The following AFF1 variants were observed in gnomAD, a reference collection of about 807,000 sequenced individuals.
AFF1 encodes AF4/FMR2 family member 1.
AFF1 carries 48 observed loss-of-function variants against 121.7 expected under a neutral mutation model. The ratio of observed to expected loss-of-function variants is 0.39; its 90% confidence interval spans 0.31 to 0.50. The LOEUF (loss-of-function observed/expected upper bound fraction) is 0.50. Among genes scored for constraint, AFF1 ranks in the 20% least tolerant of loss-of-function variants. The pLI, the probability that AFF1 is intolerant of heterozygous loss-of-function variation, is 0.76. For missense variants in AFF1, 1,523 were observed against 1,511.7 expected, an observed-to-expected ratio of 1.01 and a Z score of -0.12; for synonymous variants, 613 against 563.0, an observed-to-expected ratio of 1.09 and a Z score of -1.26.
chr4:86,970,393 G>C (rs911536033), intron 2 of AFF1, among the ~76,000 whole-genome samples: 3 of 152,094 alleles, frequency 2.0e-5, no homozygotes, highest in Non-Finnish European at 4.4e-5. Flanking sequence ...AAAAATGAAG[G>C]AATGAGTCCC....
At chr4:87,006,744 G>A (rs1041887927) in intron 2 of AFF1, among the ~76,000 whole-genome samples, 2 of 152,220 alleles carry the variant, frequency 1.3e-5, no homozygotes, top group Non-Finnish European at 2.9e-5. Context: ...GTGGGTGTCT[G>A]TACGTAGTTA....
Position 87,138,025 on chromosome 4 carries a change from TG to T in AFF1, c.*2327del. 1 of 206,596 alleles carries T rather than the reference TG, an allele frequency of 4.8e-6. No homozygotes were observed. Among genetic ancestry groups the T allele is most frequent in the East Asian group, 6.2e-5 (1 of 16,046 alleles). 12.8% of individuals were successfully genotyped at this position (206,596 alleles called of 1,614,324 possible). On this transcript the variant is annotated 3_prime_UTR_variant, in exon 21 of 21. Coordinates refer to ENST00000395146, the MANE Select transcript of AFF1 (RefSeq NM_001166693.3). ...GCTTTTTCAGTGGCCTTACTCTTTG[TG>T]GGTTTTTTTTTTTTTCTCTGAACTT...
intron 4 of AFF1, among the ~76,000 whole-genome samples, chr4:87,069,885 T>C (rs80152295): frequency 0.067 from 10,093 of 150,530 alleles, 1,138 homozygotes; most frequent in African/African-American, 0.23. Context: ...GTGTGGGATC[T>C]CAGCTCACTG....
At position 87,140,466 on chromosome 4, in the gene AFF1, AC is replaced by A. The variant is rs1259571312; in HGVS notation, c.*4767del. The A allele has an allele frequency of 7.5e-6, 1 of 133,900 alleles. No individual in the cohort carries two copies. Among genetic ancestry groups the A allele is most frequent in the Non-Finnish European group, 1.5e-5 (1 of 65,008 alleles). 8.3% of individuals were successfully genotyped at this position (133,900 alleles called of 1,614,324 possible). A position where few individuals can be genotyped will look rare whatever the true frequency, so the allele number is the denominator to read the frequency against. ...CAGGGTTGCCTTTTTTTTATTTATT[AC>A]CATTATATATTATATTATATTATAT... On this transcript the variant is annotated 3_prime_UTR_variant, in exon 21 of 21. Coordinates refer to ENST00000395146, the MANE Select transcript of AFF1 (RefSeq NM_001166693.3).
At chr4:87,030,826 T>G (rs978787846) in intron 2 of AFF1, among the ~76,000 whole-genome samples, 1 of 152,186 alleles carries the variant, frequency 6.6e-6, no homozygotes, top group Non-Finnish European at 1.5e-5. Flanking sequence ...GACCCAGTGC[T>G]GAGTGACTCG....
chr4:87,129,132 T>C (rs1728573045), intron 16 of AFF1, among the ~76,000 whole-genome samples: 1 of 152,238 alleles, frequency 6.6e-6, no homozygotes, highest in African/African-American at 2.4e-5. Flanking sequence ...TTATGCCTGT[T>C]TCATCCCAGT....
chr4:87,056,443 C>A (rs1429432605), intron 4 of AFF1, among the ~76,000 whole-genome samples: 1 of 152,016 alleles, frequency 6.6e-6, no homozygotes, highest in East Asian at 1.9e-4. Flanking sequence ...TTTTAAAATA[C>A]CCCGAAGCAA....
At chr4:86,949,791 C>G (rs963186695) in intron 2 of AFF1, 33 of 1,613,662 alleles carry the variant, frequency 2.0e-5, no homozygotes, top group Non-Finnish European at 5.1e-6. Flanking sequence ...GAGAACAGGG[C>G]CACTGGGAGA....
At chr4:87,057,485 A>C (rs1457382287) in intron 4 of AFF1, among the ~76,000 whole-genome samples, 1 of 152,164 alleles carries the variant, frequency 6.6e-6, no homozygotes, top group Admixed American at 6.5e-5. Flanking sequence ...TAATATACTG[A>C]GGTAATCTTT....
intron 13 of AFF1, among the ~76,000 whole-genome samples, 175 bp from the exon 14 acceptor site, chr4:87,125,924 G>A (rs962052290): frequency 6.6e-6 from 1 of 152,256 alleles, no homozygotes; most frequent in Non-Finnish European, 1.5e-5. Flanking sequence ...TCACTAATGG[G>A]TAGGGCTAGA....
chr4:87,052,940 C>T (rs867047106), intron 4 of AFF1, among the ~76,000 whole-genome samples: 10 of 151,774 alleles, frequency 6.6e-5, no homozygotes, highest in South Asian at 4.2e-4. Context: ...TACTAGCTAC[C>T]GAGAGGGAAA....
chr4:87,089,602 G>A (rs986869007), intron 5 of AFF1, among the ~76,000 whole-genome samples: 1 of 152,190 alleles, frequency 6.6e-6, no homozygotes, highest in Non-Finnish European at 1.5e-5. Context: ...AAGAAGCTGA[G>A]GGAGAAAGAA....
intron 2 of AFF1, among the ~76,000 whole-genome samples, chr4:86,986,297 C>A (rs1206191753): frequency 6.6e-6 from 1 of 152,052 alleles, no homozygotes; most frequent in Admixed American, 6.6e-5. Context: ...GTCTTGAACA[C>A]CTGACCTCAG....
At chr4:87,086,722 T>C (rs1723773345) in intron 5 of AFF1, among the ~76,000 whole-genome samples, 1 of 152,196 alleles carries the variant, frequency 6.6e-6, no homozygotes, top group South Asian at 2.1e-4. Flanking sequence ...GCTCTTACTC[T>C]TGACGCTGAC....
chr4:87,055,096 A>C (rs984149856), intron 4 of AFF1, among the ~76,000 whole-genome samples: 3 of 152,160 alleles, frequency 2.0e-5, no homozygotes, highest in Non-Finnish European at 4.4e-5. Context: ...CCACTTTTCC[A>C]TCCTGAGTAG....
intron 2 of AFF1, among the ~76,000 whole-genome samples, chr4:86,995,522 C>G (rs1012240007): frequency 6.4e-4 from 97 of 152,072 alleles, no homozygotes; most frequent in African/African-American, 2.3e-3. Context: ...CTGTGTTGGC[C>G]GGGCTGGTCT....
rs555371184 is a variant in AFF1 at position 86,983,247 on chromosome 4, G to C, written c.38+34676G>C. Among the ~76,000 whole-genome samples the C allele has an allele frequency of 3.9e-5, 6 of 152,206 alleles. No individual in the cohort carries two copies. In the South Asian group the frequency reaches 1.2e-3, roughly 32 times the overall value. Reference sequence around the variant, plus strand: ...CTCTACTAAAAATACTAAAACTAAGGCTGGGCACAGCGGTTCACTCCTGTA... The same window carrying C: ...CTCTACTAAAAATACTAAAACTAAGCCTGGGCACAGCGGTTCACTCCTGTA... On this transcript the variant is annotated intron_variant, in intron 2 of 20. Transcript: ENST00000395146.
intron 4 of AFF1, among the ~76,000 whole-genome samples, chr4:87,073,175 C>A (rs1205130008): frequency 6.7e-6 from 1 of 148,378 alleles, no homozygotes; most frequent in Non-Finnish European, 1.5e-5. Flanking sequence ...TATAACTGTT[C>A]ATGATGTTCT....
intron 2 of AFF1, among the ~76,000 whole-genome samples, chr4:87,010,238 G>A (rs1011456309): frequency 1.3e-5 from 2 of 152,180 alleles, no homozygotes; most frequent in African/African-American, 4.8e-5. Context: ...AAAGCTGGAA[G>A]ACATTTCTTG....
Sources: gnomAD v4.1 joint callset for allele counts (sites outside exome capture counted in the v4.1 genomes callset) on GRCh38, gnomAD v4.1.1 for gene constraint, MANE v1.5 for transcripts, NCBI Gene and HGNC (gene_info 2026-07-23, HGNC 2026-07-21) for gene names.